Variants in ZNF337 observed in about 807,000 individuals in gnomAD.
ZNF337 encodes the protein zinc finger protein 337.
ZNF337 carries 8 observed loss-of-function variants against 12.1 expected under a neutral mutation model. The observed-to-expected ratio is 0.66, with a 90% CI of 0.39 to 1.19. The LOEUF (loss-of-function observed/expected upper bound fraction) is 1.19. ZNF337 is among the 50% of genes most tolerant of loss of function. The pLI is 0.01. For missense variants in ZNF337, 882 were observed against 896.6 expected, an observed-to-expected ratio of 0.98 and a Z score of 0.21; for synonymous variants, 336 against 320.0, an observed-to-expected ratio of 1.05 and a Z score of -0.53.
chr20:25,690,471 CT>C (rs1239193068), intron 1 of ZNF337, among the ~76,000 whole-genome samples: 2 of 152,228 alleles, frequency 1.3e-5, no homozygotes, highest in Admixed American at 1.3e-4. Flanking sequence ...TCAGTTTCCA[CT>C]TCCTTCCCTC....
In ZNF337 at chr20:25,675,304, C is replaced by T; in HGVS notation, c.1984G>A (p.Gly662Arg). The change falls in exon 5 of 5, where the codon GGG becomes AGG. Residue 662 changes from glycine to arginine, a missense_variant. Transcript: ENST00000252979. ...CTTCTCTTCCAGCTGAAGCCTTGCC[C>T]ACACACATTACACACGAAGGGCTTC... ...GEKPFVCNVCGQGFSWKRSLT... is the reference protein window; with the variant it reads ...GEKPFVCNVCRQGFSWKRSLT... The T allele has an allele frequency of 1.2e-6, 2 of 1,613,850 alleles. No individual in the cohort carries two copies. Among genetic ancestry groups the T allele is most frequent in the Non-Finnish European group, 1.7e-6 (2 of 1,179,960 alleles).
intron 1 of ZNF337, among the ~76,000 whole-genome samples, chr20:25,690,621 T>C (rs770692443): frequency 5.9e-5 from 9 of 152,114 alleles, no homozygotes; most frequent in East Asian, 1.9e-4. Flanking sequence ...TGCAGACAGA[T>C]TGAAGAGCAG....
At chr20:25,680,452 GATATTT>G (rs2065756427) in intron 4 of ZNF337, among the ~76,000 whole-genome samples, 1 of 151,846 alleles carries the variant, frequency 6.6e-6, no homozygotes, top group Non-Finnish European at 1.5e-5. Context: ...ACAAAGGGGA[GATATTT>G]ATATATAAAT....
At chr20:25,680,478 T>A (rs1376335221) in intron 4 of ZNF337, among the ~76,000 whole-genome samples, 1 of 152,008 alleles carries the variant, frequency 6.6e-6, no homozygotes, top group Non-Finnish European at 1.5e-5. Flanking sequence ...TGGAGAATAA[T>A]AAAGAATTAT....
chr20:25,693,943 A>T (rs924362057), intron 1 of ZNF337, among the ~76,000 whole-genome samples: 1 of 151,956 alleles, frequency 6.6e-6, no homozygotes, highest in Non-Finnish European at 1.5e-5. Context: ...GTCCCAGGGT[A>T]GAGCCTCTTC....
rs575177092 is a variant in ZNF337, at chr20:25,683,289, G to T, written c.250+2278C>A. 2.6e-5 allele frequency among the ~76,000 whole-genome samples: 4 copies of T among 152,016 alleles called. No homozygotes were observed. In the South Asian group the frequency reaches 6.2e-4, roughly 24 times the overall value. ...TCATCATGAGTCCTGATGAACCACT[G>T]CGGTGACTACAGGGACTTAAGAGGG... On this transcript the variant is annotated intron_variant, in intron 4 of 4. Coordinates refer to ENST00000252979, the MANE Select transcript of ZNF337 (RefSeq NM_015655.4).
chr20:25,675,764 C>T lies in ZNF337; in HGVS notation c.1524G>A (p.Arg508=), dbSNP rs552922329. The part of the protein sequence containing the change: ...RDKSSYNKHL[R]AHLGEKRFFC... ...AAAAACGTTTCTCACCCAAGTGTGCCCTCAGGTGCTTGTTATAGGAGGACT... is the reference window on the plus strand; with the variant it reads ...AAAAACGTTTCTCACCCAAGTGTGCTCTCAGGTGCTTGTTATAGGAGGACT... The change falls in exon 5 of 5, where the codon AGG becomes AGA. Residue 508 remains arginine, a synonymous_variant. Coordinates refer to ENST00000252979, the MANE Select transcript of ZNF337 (RefSeq NM_015655.4). 212 of 1,613,932 alleles carry T rather than the reference C, an allele frequency of 1.3e-4. No homozygotes were observed. Among genetic ancestry groups the T allele is most frequent in the Non-Finnish European group, 1.7e-4 (195 of 1,180,004 alleles).
intron 1 of ZNF337, chr20:25,686,725 C>G (rs747416773): frequency 2.2e-6 from 1 of 447,464 alleles, no homozygotes; most frequent in Non-Finnish European, 4.0e-6. Context: ...TGAGGAACAC[C>G]TGCAGATGAG....
At position 25,686,333 on chromosome 20, in the gene ZNF337, A is replaced by G. The variant is rs2065832969; in HGVS notation, c.27+58T>C. The G allele has an allele frequency of 9.2e-6, 14 of 1,519,410 alleles. 1 individual carries two copies. The Admixed American group carries it at 2.4e-4, about 26-fold the overall frequency. 94.1% of individuals were successfully genotyped at this position (1,519,410 alleles called of 1,614,324 possible). A position where few individuals can be genotyped will look rare whatever the true frequency, so the allele number is the denominator to read the frequency against. Reference sequence around the variant, plus strand: ...TGCTAATAATGTAACTGCTAGGGCCAGTGAAGGAAATGGGCCCATCCTGTG... The same window carrying G: ...TGCTAATAATGTAACTGCTAGGGCCGGTGAAGGAAATGGGCCCATCCTGTG... On this transcript the variant is annotated intron_variant, in intron 2 of 4. Coordinates refer to ENST00000252979, the MANE Select transcript of ZNF337 (RefSeq NM_015655.4).
chr20:25,675,646 G>A lies in ZNF337; in HGVS notation c.1642C>T (p.Gln548Ter). ...HSGEKPFMCK[Q>*]CEKSFSLKAN... Reference sequence around the variant, plus strand: ...TTCAAACTAAAACTTTTCTCACACTGCTTGCACATGAAGGGCTTCTCTCCT... The same window carrying A: ...TTCAAACTAAAACTTTTCTCACACTACTTGCACATGAAGGGCTTCTCTCCT... The change falls in exon 5 of 5, where the codon CAG becomes TAG. Residue 548 changes from glutamine to a stop codon, truncating the protein, a stop_gained. Coordinates refer to ENST00000252979, the MANE Select transcript of ZNF337 (RefSeq NM_015655.4). LOFTEE classifies it low-confidence loss of function (END_TRUNC). 3 of 1,612,552 alleles carry A rather than the reference G, an allele frequency of 1.9e-6. No homozygotes were observed. The highest frequency in any genetic ancestry group is 2.5e-6 in the Non-Finnish European group (3 of 1,179,592).
At chr20:25,696,656 C>T (rs2065934441) in intron 1 of ZNF337, 103 bp downstream of exon 1, 5 of 819,964 alleles carry the variant, frequency 6.1e-6, no homozygotes, top group Non-Finnish European at 7.4e-6. Context: ...GAGGAGCGCG[C>T]GCTACGGCCC....
intron 4 of ZNF337, among the ~76,000 whole-genome samples, chr20:25,682,309 C>G (rs1378669524): frequency 1.3e-5 from 2 of 152,028 alleles, no homozygotes; most frequent in East Asian, 1.9e-4. Flanking sequence ...GGTGAAAGTA[C>G]AGAGGACACA....
In ZNF337 at chr20:25,676,555, A is replaced by G; in HGVS notation, c.733T>C (p.Phe245Leu). 6.2e-7 allele frequency: 1 copy of G among 1,614,176 alleles called. No individual in the cohort carries two copies. The highest frequency in any genetic ancestry group is 8.5e-7 in the Non-Finnish European group (1 of 1,180,022). Residue 245 changes from phenylalanine (F) to leucine (L), a missense_variant, in exon 5 of 5, where the codon TTC becomes CTC. Transcript: ENST00000252979. ...SYVCSVCGRG[F>L]SLKANLLRHQ... ...CTGAGGAGGTTGGCCTTGAGGCTGAAGCCTCGCCCACACACACTGCACACA... is the reference window on the plus strand; with the variant it reads ...CTGAGGAGGTTGGCCTTGAGGCTGAGGCCTCGCCCACACACACTGCACACA...
intron 4 of ZNF337, among the ~76,000 whole-genome samples, chr20:25,679,356 C>T (rs1370986196): frequency 1.3e-5 from 2 of 151,990 alleles, no homozygotes; most frequent in Non-Finnish European, 2.9e-5. Flanking sequence ...AGCTTCTGTA[C>T]AGCAAAGGAA....
rs1464925371 is a variant in ZNF337 at position 25,675,266 on chromosome 20, G to T, written c.2022C>A (p.His674Gln). The T allele has an allele frequency of 6.2e-7, 1 of 1,614,038 alleles. No homozygotes were observed. The highest frequency in any genetic ancestry group is 1.7e-5 in the Admixed American group (1 of 60,024). Residue 674 changes from histidine to glutamine, a missense_variant, in exon 5 of 5, where the codon CAC (histidine) becomes CAA (glutamine). Transcript: ENST00000252979. ...GFSWKRSLTR[H>Q]HWRIHSKEKP... ...TCTCCTTTGAGTGTATCCGCCAGTG[G>T]TGTCTGGTGAGACTTCTCTTCCAGC...
chr20:25,696,087 T>TCCCCCCCCCCCCCCCCCCCCCCCC (rs149644721), intron 1 of ZNF337, among the ~76,000 whole-genome samples: 3 of 52,120 alleles, frequency 5.8e-5, no homozygotes, highest in African/African-American at 1.3e-4. Flanking sequence ...CCCACGCAGA[T>TCCCCCCCCCCCCCCCCCCCCCCCC]CCCCCCCCCC....
At chr20:25,681,407 T>C (rs1488435405) in intron 4 of ZNF337, among the ~76,000 whole-genome samples, 1 of 152,148 alleles carries the variant, frequency 6.6e-6, no homozygotes, top group Non-Finnish European at 1.5e-5. Flanking sequence ...TGCCCCCACA[T>C]TTTTTATGGG....
intron 1 of ZNF337, among the ~76,000 whole-genome samples, chr20:25,695,740 A>T (rs1356953400): frequency 1.3e-5 from 2 of 152,044 alleles, no homozygotes; most frequent in East Asian, 3.9e-4. Context: ...ATGTAGAGAC[A>T]GGGTCTTGCT....
At chr20:25,684,885 CA>C (rs2065809515) in intron 4 of ZNF337, among the ~76,000 whole-genome samples, 2 of 149,714 alleles carry the variant, frequency 1.3e-5, no homozygotes, top group Non-Finnish European at 3.0e-5. Flanking sequence ...AGAGAAAAAT[CA>C]AACACTATAT....
Sources: gnomAD v4.1 joint callset for allele counts (sites outside exome capture counted in the v4.1 genomes callset) on GRCh38, gnomAD v4.1.1 for gene constraint, MANE v1.5 for transcripts, NCBI Gene and HGNC (gene_info 2026-07-23, HGNC 2026-07-21) for gene names.